KIF24: variants seen among roughly 807,000 people sequenced by gnomAD.
The protein encoded by KIF24 is kinesin-like protein KIF24.
KIF24 carries 81 observed loss-of-function variants against 118.9 expected under a neutral mutation model. The ratio of observed to expected loss-of-function variants is 0.68; its 90% CI spans 0.57 to 0.82. KIF24 has a LOEUF of 0.82. Ranked by LOEUF, KIF24 falls within the 40% of genes least tolerant of loss-of-function variation. The pLI, the probability that KIF24 is intolerant of heterozygous loss-of-function variation, is 0.00. For missense variants in KIF24, 1,560 were observed against 1,661.6 expected, an observed-to-expected ratio of 0.94 and a Z score of 1.06; for synonymous variants, 599 against 610.0, an observed-to-expected ratio of 0.98 and a Z score of 0.27.
chr9:34,311,023 G>T lies in KIF24; in HGVS notation c.324C>A (p.Asp108Glu). The T allele has an allele frequency of 3.1e-6, 5 of 1,613,938 alleles. No individual in the cohort carries two copies. The highest frequency in any genetic ancestry group is 4.2e-6 in the Non-Finnish European group (5 of 1,179,840). ...CAAACCCATCATTGCTGGCATTTCT[G>T]TCTTTATTGTCAGCAGGAGAATCAA... Reference protein sequence around the residue: ...LNFDSPADNKDRNASNDGFEM... With the variant: ...LNFDSPADNKERNASNDGFEM... Residue 108 changes from aspartate (D) to glutamate (E), a missense_variant, in exon 2 of 13, where the codon GAC (aspartate) becomes GAA (glutamate). By Grantham distance (45) the Asp-to-Glu change is conservative. Coordinates refer to ENST00000402558, the MANE Select transcript of KIF24 (RefSeq NM_194313.4).
chr9:34,257,155 CTCCA>C lies in KIF24; in HGVS notation c.2448_2451del (p.Asp816GlufsTer4), dbSNP rs757554600. ...CTGTCATCAAGTTCCTCTACTTGGG[CTCCA>C]TCATGGTTTTCAGAGTAAGAGTGGA... On this transcript the variant is annotated frameshift_variant, in exon 11 of 13. Transcript: ENST00000402558. LOFTEE classifies it high-confidence loss of function. 1 of 1,614,016 alleles carries C rather than the reference CTCCA, an allele frequency of 6.2e-7. No individual in the cohort carries two copies. The highest frequency in any genetic ancestry group is 1.7e-5 in the Admixed American group (1 of 60,024).
rs1834672798 is a variant in KIF24 at position 34,253,145 on chromosome 9, G to A, written c.*1235C>T. 6.6e-6 allele frequency: 1 copy of A among 152,300 alleles called. No homozygotes were observed. The highest frequency in any genetic ancestry group is 1.5e-5 in the Non-Finnish European group (1 of 68,052). The allele number at this position is 152,300 out of a possible 1,614,324, so 9.4% of individuals were successfully genotyped here. A position where few individuals can be genotyped will look rare whatever the true frequency, so the allele number is the denominator to read the frequency against. The stretch of plus-strand genomic sequence containing the variant: ...CTGTCAGGCTGACAAAGGGTGACTG[G>A]ACCAGGCTGCTAGTGTCTCAAGAGA... On this transcript the variant is annotated 3_prime_UTR_variant, in exon 13 of 13. Transcript: ENST00000402558.
intron 1 of KIF24, among the ~76,000 whole-genome samples, chr9:34,313,098 T>C (rs1325837932): frequency 1.3e-5 from 2 of 152,148 alleles, no homozygotes; most frequent in Non-Finnish European, 2.9e-5. Context: ...CCTCATTTCA[T>C]CTAGGCTAGC....
chr9:34,288,536 C>A (rs1447974458), intron 5 of KIF24, among the ~76,000 whole-genome samples: 1 of 150,902 alleles, frequency 6.6e-6, no homozygotes, highest in Non-Finnish European at 1.5e-5. Flanking sequence ...ACAGCATAAA[C>A]AGGAAAGGGT....
Position 34,256,256 on chromosome 9 carries a change from A to G in KIF24, c.3351T>C (p.Ser1117=). ...SATRHLWLSS[S]PPDNKPGGDL... is the part of the protein sequence containing the mutation. ...CACCACCAGGCTTATTATCAGGGGG[A>G]GATGAGGACAGCCACAGGTGCCTAG... The change falls in exon 11 of 13, where the codon TCT becomes TCC. Residue 1117 remains serine, a synonymous_variant. Coordinates refer to ENST00000402558, the MANE Select transcript of KIF24 (RefSeq NM_194313.4). The G allele has an allele frequency of 1.9e-6, 3 of 1,605,416 alleles. No homozygotes were observed. Among genetic ancestry groups the G allele is most frequent in the Non-Finnish European group, 2.6e-6 (3 of 1,175,352 alleles).
intron 9 of KIF24, among the ~76,000 whole-genome samples, chr9:34,260,308 T>C (rs1378341318): frequency 6.6e-6 from 1 of 152,220 alleles, no homozygotes; most frequent in Non-Finnish European, 1.5e-5. Context: ...ACATTATTTA[T>C]AATAGTAATA....
In KIF24 at chr9:34,257,548, C is replaced by A. The variant is rs367767919; in HGVS notation, c.2059G>T (p.Ala687Ser). The A allele has an allele frequency of 1.2e-4, 195 of 1,613,950 alleles. No individual in the cohort carries two copies. Among genetic ancestry groups the A allele is most frequent in the Non-Finnish European group, 1.6e-4 (194 of 1,179,896 alleles). Residue 687 changes from alanine (A) to serine (S), a missense_variant, in exon 11 of 13, where the codon GCC (alanine) becomes TCC (serine). Ala to Ser is a moderately conservative substitution (Grantham distance 99, BLOSUM62 1). This residue lies in a region of KIF24 where 964 missense variants were observed against 988.0 expected (regional missense o/e 0.98). Transcript: ENST00000402558. ...ACTAGGCCTTCTCCTGGGCCTGAGG[C>A]CCTGCTTTCCCACCCAAGGACAGTT... ...NKTVLGWESR[A>S]SGPGEGLVRG...
At chr9:34,296,186 T>C (rs1385715308) in intron 4 of KIF24, among the ~76,000 whole-genome samples, 6 of 131,238 alleles carry the variant, frequency 4.6e-5, no homozygotes, top group African/African-American at 1.2e-4. Flanking sequence ...GCCACTGCAC[T>C]CCAGCCTGGG....
In KIF24 at chr9:34,256,991, T is replaced by A. The variant is rs763946940; in HGVS notation, c.2616A>T (p.Arg872Ser). Residue 872 changes from arginine (R) to serine (S), a missense_variant, in exon 11 of 13, where the codon AGA (arginine) becomes AGT (serine). By Grantham distance (110) the Arg-to-Ser change is moderately radical (BLOSUM62 -1). Around this residue, in one of 3 missense-constraint regions of KIF24, gnomAD observed 591 missense variants for 655.6 expected, o/e 0.90. Transcript: ENST00000402558. ...GQGPEKQVAE[R>S]QQSLFSSPRT... ...TGGGGCTAGAAAACAGACTCTGCTG[T>A]CTTTCTGCCACCTGCTTCTCAGGAC... 6.2e-7 allele frequency: 1 copy of A among 1,614,028 alleles called. No homozygotes were observed. Among genetic ancestry groups the A allele is most frequent in the South Asian group, 1.1e-5 (1 of 91,076 alleles).
chr9:34,269,216 T>C (rs1321633079), intron 8 of KIF24, 41 bp downstream of exon 8: 1 of 1,255,082 alleles, frequency 8.0e-7, no homozygotes, highest in Non-Finnish European at 1.2e-6. Flanking sequence ...TGGGCAGTCT[T>C]TCAAGAAGGA....
At chr9:34,277,889 G>A in intron 6 of KIF24, among the ~76,000 whole-genome samples, 1 of 152,190 alleles carries the variant, frequency 6.6e-6, no homozygotes, top group Middle Eastern at 3.2e-3. Context: ...CTGGAGTCAG[G>A]TTGCCAGGGT....
intron 2 of KIF24, among the ~76,000 whole-genome samples, chr9:34,308,948 G>T (rs908182625): frequency 5.9e-5 from 9 of 152,108 alleles, no homozygotes; most frequent in Non-Finnish European, 1.3e-4. Context: ...GGGGACAGTG[G>T]TGCATACCTG....
In KIF24 at chr9:34,319,574, G is replaced by A; in HGVS notation, c.-25-8203C>T. ...CCGACCACCCCTTCATCTTCCTGGT[G>A]TGGGACACCCAGAGCGGCTCCCTGC... On this transcript the variant is annotated intron_variant, in intron 1 of 12. Transcript: ENST00000402558. 3 of 1,061,526 alleles carry A rather than the reference G, an allele frequency of 2.8e-6. No individual in the cohort carries two copies. The East Asian group carries it at 7.3e-5, about 26-fold the overall frequency. The allele number at this position is 1,061,526 out of a possible 1,614,324, so 65.8% of individuals were successfully genotyped here.
At chr9:34,285,440 C>T (rs1029673771) in intron 6 of KIF24, among the ~76,000 whole-genome samples, 2 of 151,476 alleles carry the variant, frequency 1.3e-5, no homozygotes, top group African/African-American at 2.4e-5. Flanking sequence ...CCACCCTAGG[C>T]GACACAGCAA....
At position 34,318,456 on chromosome 9, in the gene KIF24, C is replaced by A. The variant is rs1200403299; in HGVS notation, c.-25-7085G>T. On this transcript the variant is annotated intron_variant, in intron 1 of 12. Coordinates refer to ENST00000402558, the MANE Select transcript of KIF24 (RefSeq NM_194313.4). This position sits in a 1 kb window ranked among gnomAD's most constrained non-coding sequence, Gnocchi z 4.9. ...TTCTGCCTCCTGGCGGTGGCCTTGG[C>A]GACCGAGGTGAAGAAACCTGCAGCC... 5 of 740,220 alleles carry A rather than the reference C, an allele frequency of 6.8e-6. No individual in the cohort carries two copies. The highest frequency in any genetic ancestry group is 1.2e-5 in the Non-Finnish European group (5 of 419,012). The allele number at this position is 740,220 out of a possible 1,614,324, so 45.9% of individuals were successfully genotyped here. A position where few individuals can be genotyped will look rare whatever the true frequency, so the allele number is the denominator to read the frequency against.
chr9:34,269,218 C>A, intron 8 of KIF24, 39 bp downstream of exon 8: 1 of 1,276,530 alleles, frequency 7.8e-7, no homozygotes, highest in South Asian at 1.2e-5. Context: ...GGCAGTCTTT[C>A]AAGAAGGATT....
Position 34,310,711 on chromosome 9 carries a change from T to C in KIF24, c.623+13A>G. On this transcript the variant is annotated intron_variant, in intron 2 of 12. Transcript: ENST00000402558. ...TACTTTCCCTCAAAAGAAAGAAAGA[T>C]AAAATTTATTACCTGATACAAGAAT... 2 of 1,554,078 alleles carry C rather than the reference T, an allele frequency of 1.3e-6. No homozygotes were observed. Among genetic ancestry groups the C allele is most frequent in the South Asian group, 1.3e-5 (1 of 79,836 alleles).
Position 34,263,132 on chromosome 9 carries a change from T to C in KIF24, c.1484A>G (p.His495Arg), listed in dbSNP as rs767731667. The C allele has an allele frequency of 6.2e-7, 1 of 1,613,512 alleles. No individual in the cohort carries two copies. The highest frequency in any genetic ancestry group is 8.5e-7 in the Non-Finnish European group (1 of 1,179,686). ...CIRALDQEHTHTPFRQSKLTQ... is the reference protein window; with the variant it reads ...CIRALDQEHTRTPFRQSKLTQ... Reference sequence around the variant, plus strand: ...TAGTTTGCTTTGCCTGAAGGGAGTATGGGTGTGTTCCTGATCCAGTGCTCG... The same window carrying C: ...TAGTTTGCTTTGCCTGAAGGGAGTACGGGTGTGTTCCTGATCCAGTGCTCG... The change falls in exon 9 of 13, where the codon CAT becomes CGT. Residue 495 changes from histidine (H) to arginine (R), a missense_variant. His to Arg is a conservative substitution (Grantham distance 29). Around this residue, in one of 3 missense-constraint regions of KIF24, gnomAD observed 964 missense variants for 988.0 expected, o/e 0.98. Transcript: ENST00000402558.
intron 5 of KIF24, among the ~76,000 whole-genome samples, chr9:34,289,179 GGA>G (rs1285972536): frequency 6.6e-6 from 1 of 152,132 alleles, no homozygotes; most frequent in Non-Finnish European, 1.5e-5. Flanking sequence ...AATAGTTATA[GGA>G]GAGAGGCCTG....
Sources: allele counts gnomAD v4.1 joint callset (sites outside exome capture counted in the v4.1 genomes callset), GRCh38; gene constraint gnomAD v4.1.1; regional missense constraint gnomAD v4.1.1; non-coding constraint Gnocchi (gnomAD v3.1); transcripts MANE v1.5; gene names NCBI Gene and HGNC (gene_info 2026-07-23, HGNC 2026-07-21).